KCNMA1: variants seen among roughly 807,000 people sequenced by gnomAD.
KCNMA1 encodes potassium calcium-activated channel subfamily M alpha 1, also known as Calcium-activated potassium channel subunit alpha-1.
A neutral mutation model predicts 140.0 loss-of-function variants in KCNMA1; 29 were observed. That is an observed-to-expected ratio of 0.21 (90% confidence interval 0.15 to 0.28). KCNMA1 has a LOEUF of 0.28. KCNMA1 is among the 10% of genes least tolerant of loss of function. The pLI, the probability that KCNMA1 is intolerant of heterozygous loss-of-function variation, is 1.00. For missense variants in KCNMA1, 880 were observed against 1,602.2 expected (o/e 0.55, Z 7.70); for synonymous variants, 612 against 611.9 (o/e 1.00, Z 0.00).
At chr10:77,236,655 G>C (rs57483878) in intron 3 of KCNMA1, among the ~76,000 whole-genome samples, 8 of 152,120 alleles carry the variant, frequency 5.3e-5, no homozygotes, top group Non-Finnish European at 1.2e-4. Context: ...TCACAAATCA[G>C]TACATTTATA....
chr10:77,494,840 A>G (rs2041272388), intron 1 of KCNMA1, among the ~76,000 whole-genome samples: 1 of 152,220 alleles, frequency 6.6e-6, no homozygotes, highest in African/African-American at 2.4e-5. Context: ...GTGAGGGCAC[A>G]TGTGTTCCAG....
intron 14 of KCNMA1, chr10:77,064,071 T>C (rs986027742): frequency 4.1e-6 from 4 of 985,332 alleles, no homozygotes; most frequent in Non-Finnish European, 4.8e-6. Flanking sequence ...TGTTATGTAA[T>C]CTTTCTGTGC....
intron 1 of KCNMA1, among the ~76,000 whole-genome samples, chr10:77,542,263 T>C (rs982484850): frequency 4.6e-5 from 7 of 152,200 alleles, no homozygotes; most frequent in Admixed American, 3.3e-4. Flanking sequence ...ATTTTTATTA[T>C]ATCAACCCAA....
At chr10:77,214,401 C>T (rs573271191) in intron 3 of KCNMA1, among the ~76,000 whole-genome samples, 2 of 152,286 alleles carry the variant, frequency 1.3e-5, no homozygotes, top group Middle Eastern at 3.4e-3. Context: ...ACTGCACTTA[C>T]AGGCGCCCAG....
intron 2 of KCNMA1, among the ~76,000 whole-genome samples, chr10:77,306,178 C>T (rs149047698): frequency 1.3e-5 from 2 of 152,330 alleles, no homozygotes; most frequent in African/African-American, 4.8e-5. Context: ...AGGTCTTGAG[C>T]AGTAGCCAAC....
At chr10:76,884,113 T>C (rs143033690), downstream of KCNMA1, 1 of 343,584 alleles carries the variant, frequency 2.9e-6, no homozygotes, top group African/African-American at 2.2e-5. Context: ...ACAGACTGTA[T>C]ATAAAACGCA....
intron 1 of KCNMA1, among the ~76,000 whole-genome samples, chr10:77,459,622 A>G (rs1469827903): frequency 6.6e-6 from 1 of 152,218 alleles, no homozygotes; most frequent in Non-Finnish European, 1.5e-5. Flanking sequence ...TGGTAATCAA[A>G]ACACAGCTTT....
At chr10:77,025,309 A>T (rs1301707989) in intron 16 of KCNMA1, 1 of 398,902 alleles carries the variant, frequency 2.5e-6, no homozygotes, top group Non-Finnish European at 4.7e-6. Flanking sequence ...ATATAGATAC[A>T]CCAGACAAGG....
At chr10:77,559,594 T>G (rs1311115722) in intron 1 of KCNMA1, among the ~76,000 whole-genome samples, 1 of 152,190 alleles carries the variant, frequency 6.6e-6, no homozygotes, top group Admixed American at 6.6e-5. Context: ...CCTCTCTAGC[T>G]AGGGATCCTC....
intron 1 of KCNMA1, among the ~76,000 whole-genome samples, chr10:77,549,502 C>T (rs1178755785): frequency 1.3e-5 from 2 of 152,200 alleles, no homozygotes; most frequent in East Asian, 1.9e-4. Context: ...GCTGAACTCT[C>T]CTAGCAGGGG....
rs141177162 is a variant in KCNMA1, at chr10:77,223,507, T to C, written c.602+27688A>G. ...GAGTGTATCTAGAATGAATAAAAAA[T>C]GAGAATCCCATGACATCCAAGATGG... On this transcript the variant is annotated intron_variant, in intron 3 of 27. Transcript: ENST00000286628. Among the ~76,000 whole-genome samples, 477 of 152,202 alleles carry C rather than the reference T, an allele frequency of 3.1e-3. 2 individuals carry two copies. The highest frequency in any genetic ancestry group is 0.011 in the African/African-American group (457 of 41,520).
chr10:77,623,921 C>CTCCGGTAGCCATACATTA (rs1230075186), intron 1 of KCNMA1, among the ~76,000 whole-genome samples: 5 of 152,168 alleles, frequency 3.3e-5, no homozygotes, highest in Non-Finnish European at 5.9e-5. Flanking sequence ...TAATGCATGG[C>CTCCGGTAGCCATACATTA]TCCGGTAGCA....
intron 5 of KCNMA1, among the ~76,000 whole-genome samples, chr10:77,173,931 G>A (rs1292861700): frequency 6.6e-6 from 1 of 152,114 alleles, no homozygotes; most frequent in African/African-American, 2.4e-5. Flanking sequence ...GCTTATAGGA[G>A]TTCAAAGTGA....
intron 1 of KCNMA1, among the ~76,000 whole-genome samples, chr10:77,565,804 G>A (rs1218864123): frequency 6.6e-6 from 1 of 152,180 alleles, no homozygotes; most frequent in African/African-American, 2.4e-5. Context: ...ATCTGGAGAC[G>A]CAAACCCTAG....
At chr10:77,375,551 A>G (rs1216001379) in intron 2 of KCNMA1, among the ~76,000 whole-genome samples, 2 of 152,234 alleles carry the variant, frequency 1.3e-5, no homozygotes, top group East Asian at 3.9e-4. Flanking sequence ...CAGTCAGGGC[A>G]ACAGCACTGC....
At position 77,210,913 on chromosome 10, in the gene KCNMA1, G is replaced by A. The variant is rs1231737289; in HGVS notation, c.603-25997C>T. ...CAAAACACTGCTGAAAGAAGTCAGAGACAACACAAATAAATGGAAAAACAT... is the reference window on the plus strand; with the variant it reads ...CAAAACACTGCTGAAAGAAGTCAGAAACAACACAAATAAATGGAAAAACAT... On this transcript the variant is annotated intron_variant, in intron 3 of 27. Coordinates refer to ENST00000286628, the MANE Select transcript of KCNMA1 (RefSeq NM_001161352.2). Among the ~76,000 whole-genome samples the A allele has an allele frequency of 2.0e-5, 3 of 152,232 alleles. No homozygotes were observed. The East Asian group carries it at 5.8e-4, about 29-fold the overall frequency.
At chr10:77,486,183 G>A (rs145523869) in intron 1 of KCNMA1, among the ~76,000 whole-genome samples, 1 of 152,272 alleles carries the variant, frequency 6.6e-6, no homozygotes, top group East Asian at 1.9e-4. Flanking sequence ...AGACCTTCAG[G>A]AGGAGGGCAG....
At chr10:77,419,985 C>T (rs546379190) in intron 1 of KCNMA1, among the ~76,000 whole-genome samples, 10 of 152,306 alleles carry the variant, frequency 6.6e-5, no homozygotes, top group Non-Finnish European at 1.0e-4. Context: ...TTGCTGTTAT[C>T]CCAGCTTTAG....
At chr10:76,926,539 T>C (rs1230625849) in intron 23 of KCNMA1, among the ~76,000 whole-genome samples, 2 of 152,152 alleles carry the variant, frequency 1.3e-5, no homozygotes, top group African/African-American at 4.8e-5. Flanking sequence ...TAGTCCCAGG[T>C]CAACTCCTAC....
Sources: gnomAD v4.1 joint callset for allele counts (sites outside exome capture counted in the v4.1 genomes callset) on GRCh38, gnomAD v4.1.1 for gene constraint, MANE v1.5 for transcripts, NCBI Gene and HGNC (gene_info 2026-07-23, HGNC 2026-07-21) for gene names.